Variants in PLXNA2 observed in about 807,000 individuals in gnomAD.
The protein encoded by PLXNA2 is plexin-A2.
Under a neutral mutation model 193.5 loss-of-function variants are expected in PLXNA2, and 91 were observed. The ratio of observed to expected loss-of-function variants is 0.47; its 90% confidence interval spans 0.40 to 0.56. The LOEUF (loss-of-function observed/expected upper bound fraction) is 0.56. PLXNA2 is among the 20% of genes least tolerant of loss of function. The pLI is 0.00. For missense variants in PLXNA2, 1,995 were observed against 2,503.2 expected, an observed-to-expected ratio of 0.80 and a Z score of 4.33; for synonymous variants, 997 against 1,027.3, an observed-to-expected ratio of 0.97 and a Z score of 0.56.
At chr1:208,172,492 T>A (rs1418651508) in intron 3 of PLXNA2, among the ~76,000 whole-genome samples, 1 of 152,270 alleles carries the variant, frequency 6.6e-6, no homozygotes, top group Non-Finnish European at 1.5e-5. Flanking sequence ...ACTGCCCCCA[T>A]CCGCAGATGA....
intron 3 of PLXNA2, among the ~76,000 whole-genome samples, chr1:208,196,837 T>C (rs1238799530): frequency 2.0e-5 from 3 of 152,112 alleles, no homozygotes; most frequent in African/African-American, 7.2e-5. Context: ...TTCAGAAGAA[T>C]GGGTGGCAAG....
At chr1:208,070,778 G>T (rs1027334581) in intron 12 of PLXNA2, among the ~76,000 whole-genome samples, 7 of 152,354 alleles carry the variant, frequency 4.6e-5, no homozygotes, top group African/African-American at 1.7e-4. Flanking sequence ...CATAACAGTT[G>T]CTTTGAGGTC....
intron 3 of PLXNA2, among the ~76,000 whole-genome samples, chr1:208,147,370 G>T (rs551781263): frequency 2.6e-5 from 4 of 152,226 alleles, no homozygotes; most frequent in African/African-American, 9.6e-5. Context: ...AAGAACCAAA[G>T]ACTTTACTAT....
rs1207733874 is a variant in PLXNA2 at position 208,217,936 on chromosome 1, G to A, written c.-14C>T. 1.2e-6 allele frequency: 2 copies of A among 1,604,738 alleles called. No individual in the cohort carries two copies. Among genetic ancestry groups the A allele is most frequent in the East Asian group, 4.5e-5 (2 of 44,864 alleles). On this transcript the variant is annotated 5_prime_UTR_variant, in exon 2 of 32. Transcript: ENST00000367033. The surrounding 1 kb of genome is among the most constrained non-coding windows in gnomAD (Gnocchi z 4.7). ...CCTCTGTTCCATGCTGAGAGGGGCGGCGGTGAGGAGACGGCTCCTGTGTGT... is the reference window on the plus strand; with the variant it reads ...CCTCTGTTCCATGCTGAGAGGGGCGACGGTGAGGAGACGGCTCCTGTGTGT...
chr1:208,027,871 T>C (rs994777522), intron 31 of PLXNA2, 138 bp downstream of exon 31: 5 of 691,126 alleles, frequency 7.2e-6, no homozygotes, highest in African/African-American at 3.6e-5. Context: ...AGTTGCCTCA[T>C]AAAGGAATGA....
chr1:208,069,691 G>A (rs1665919749), intron 12 of PLXNA2, among the ~76,000 whole-genome samples: 1 of 152,156 alleles, frequency 6.6e-6, no homozygotes, highest in Non-Finnish European at 1.5e-5. Context: ...GGGCTTATCG[G>A]GGCAGAGGAG....
chr1:208,221,381 GTTTT>G (rs33915614), intron 1 of PLXNA2, among the ~76,000 whole-genome samples: 1,217 of 58,054 alleles, frequency 0.021, 23 homozygotes, highest in African/African-American at 0.072. Context: ...TTCTTTTTCT[GTTTT>G]TTTTTTTTTT....
At chr1:208,200,765 AT>A (rs576974824) in intron 3 of PLXNA2, among the ~76,000 whole-genome samples, 100 of 144,806 alleles carry the variant, frequency 6.9e-4, no homozygotes, top group Admixed American at 7.6e-4. Flanking sequence ...GGCCCAGCTA[AT>A]TTTTTTTTTT....
chr1:208,238,979 G>A (rs1019641930), intron 1 of PLXNA2, among the ~76,000 whole-genome samples: 6 of 152,266 alleles, frequency 3.9e-5, no homozygotes, highest in Admixed American at 6.5e-5. Context: ...AGGCCTCTCC[G>A]GAGTTGCTCA....
At chr1:208,079,185 T>G in intron 12 of PLXNA2, 75 bp downstream of exon 12, 1 of 1,298,846 alleles carries the variant, frequency 7.7e-7, no homozygotes, top group Non-Finnish European at 1.1e-6. Context: ...AGAGTCTCAA[T>G]TTGCACTCCT....
chr1:208,152,505 CT>C (rs369716531), intron 3 of PLXNA2, among the ~76,000 whole-genome samples: 4 of 152,330 alleles, frequency 2.6e-5, no homozygotes, highest in African/African-American at 9.6e-5. Flanking sequence ...TCTTAAAACA[CT>C]TGTTCGATCC....
chr1:208,216,068 A>G (rs1671118226), intron 2 of PLXNA2, among the ~76,000 whole-genome samples: 1 of 152,138 alleles, frequency 6.6e-6, no homozygotes. Context: ...CTGTGTGTAC[A>G]TGACCTGGTC....
intron 1 of PLXNA2, among the ~76,000 whole-genome samples, chr1:208,228,444 C>A (rs1671583912): frequency 1.3e-5 from 2 of 152,156 alleles, no homozygotes; most frequent in South Asian, 2.1e-4. Context: ...ACCATCCAGG[C>A]CTTCCTCTGA....
At position 208,082,606 on chromosome 1, in the gene PLXNA2, C is replaced by T. The variant is rs746674686; in HGVS notation, c.2299-98G>A. On this transcript the variant is annotated intron_variant, in intron 10 of 31. Coordinates refer to ENST00000367033, the MANE Select transcript of PLXNA2 (RefSeq NM_025179.4). The surrounding 1 kb of genome is among the most constrained non-coding windows in gnomAD (Gnocchi z 4.2). Reference sequence around the variant, plus strand: ...CTGCATGCTGCTCAGATTATTATGACGCTCTTTCCCTGAATCCCAGTCACT... The same window carrying T: ...CTGCATGCTGCTCAGATTATTATGATGCTCTTTCCCTGAATCCCAGTCACT... 123 of 834,850 alleles carry T rather than the reference C, an allele frequency of 1.5e-4. No individual in the cohort carries two copies. The highest frequency in any genetic ancestry group is 2.6e-4 in the Admixed American group (13 of 50,278). The allele number at this position is 834,850 out of a possible 1,614,324, so 51.7% of individuals were successfully genotyped here.
chr1:208,054,387 G>A (rs1390515876), intron 14 of PLXNA2, 34 bp downstream of exon 14: 6 of 1,440,928 alleles, frequency 4.2e-6, no homozygotes, highest in South Asian at 2.3e-5. Flanking sequence ...CTCCTCCCTG[G>A]GCACCTGCAC....
At chr1:208,142,654 G>A (rs1668491939) in intron 3 of PLXNA2, among the ~76,000 whole-genome samples, 191 bp from the exon 4 acceptor site, 2 of 152,264 alleles carry the variant, frequency 1.3e-5, no homozygotes, top group Admixed American at 6.5e-5. Context: ...AGCAGTCTGA[G>A]TGTTCTGGGC....
At chr1:208,091,826 C>T (rs1233792394) in intron 9 of PLXNA2, among the ~76,000 whole-genome samples, 2 of 149,584 alleles carry the variant, frequency 1.3e-5, no homozygotes, top group South Asian at 2.1e-4. Context: ...GCGGAGATCA[C>T]GCCATTGCAC....
At chr1:208,222,475 T>C (rs1452790525) in intron 1 of PLXNA2, among the ~76,000 whole-genome samples, 1 of 152,162 alleles carries the variant, frequency 6.6e-6, no homozygotes, top group Admixed American at 6.5e-5. Context: ...AGGCCACGCT[T>C]GCCTCTTTGG....
intron 3 of PLXNA2, among the ~76,000 whole-genome samples, chr1:208,202,256 A>G (rs1301131587): frequency 6.6e-6 from 1 of 152,188 alleles, no homozygotes; most frequent in Admixed American, 6.6e-5. Flanking sequence ...CTGGGATTAC[A>G]GGTGTGAGCC....
Sources: gnomAD v4.1 joint callset for allele counts (sites outside exome capture counted in the v4.1 genomes callset) on GRCh38, gnomAD v4.1.1 for gene constraint, Gnocchi (gnomAD v3.1) non-coding constraint, MANE v1.5 for transcripts, NCBI Gene and HGNC (gene_info 2026-07-23, HGNC 2026-07-21) for gene names.